The following GCNT1 variants were observed in gnomAD, a reference collection of about 807,000 sequenced individuals.
The protein encoded by GCNT1 is glucosaminyl (N-acetyl) transferase 1.
In GCNT1, 16 loss-of-function variants were observed where a neutral mutation model predicts 26.2. The observed-to-expected ratio is 0.61, with a 90% CI of 0.41 to 0.93. The LOEUF (loss-of-function observed/expected upper bound fraction) is 0.93, where lower values mean the gene tolerates loss of function less well. Among genes scored for constraint, GCNT1 ranks in the 40% least tolerant of loss-of-function variants. The probability of loss-of-function intolerance (pLI) is 0.00; values close to 1 mark genes in which losing one functional copy is unlikely to be tolerated. For missense variants in GCNT1, 477 were observed against 526.7 expected (o/e 0.91, Z 0.92); for synonymous variants, 183 against 190.8 (o/e 0.96, Z 0.34).
At chr9:76,490,350 A>G (rs1363249405) in intron 2 of GCNT1, among the ~76,000 whole-genome samples, 1 of 152,094 alleles carries the variant, frequency 6.6e-6, no homozygotes, top group African/African-American at 2.4e-5. Context: ...TTTCTTGCAA[A>G]CTGTATGAGA....
chr9:76,483,065 A>G (rs938311933), intron 2 of GCNT1, among the ~76,000 whole-genome samples: 1 of 152,204 alleles, frequency 6.6e-6, no homozygotes, highest in African/African-American at 2.4e-5. Flanking sequence ...TATTTGTATT[A>G]CAATGTAATA....
At chr9:76,498,007 G>A (rs1009209228) in intron 2 of GCNT1, among the ~76,000 whole-genome samples, 4 of 152,076 alleles carry the variant, frequency 2.6e-5, no homozygotes, top group African/African-American at 9.7e-5. Context: ...CATGTCCCCA[G>A]CCCCTGGCAG....
the GCNT1 span, among the ~76,000 whole-genome samples, chr9:76,404,939 C>T: frequency 2.0e-5 from 3 of 152,004 alleles, no homozygotes; most frequent in African/African-American, 7.3e-5. Context: ...CCTCAGCCTC[C>T]CAAGTAGCTG....
intron 1 of GCNT1, among the ~76,000 whole-genome samples, chr9:76,428,697 C>CTT (rs148228671): frequency 1.4e-4 from 16 of 113,662 alleles, no homozygotes; most frequent in Admixed American, 5.2e-4. Flanking sequence ...GTTGCGTATT[C>CTT]TATTTTTTTT....
upstream of GCNT1, among the ~76,000 whole-genome samples, chr9:76,455,343 A>G (rs1279694325): frequency 6.6e-6 from 1 of 152,182 alleles, no homozygotes; most frequent in Non-Finnish European, 1.5e-5. Flanking sequence ...ATTTGCCCAG[A>G]TTGATCAGTA....
At chr9:76,462,251 C>T (rs1823887557) in intron 2 of GCNT1, among the ~76,000 whole-genome samples, 1 of 152,000 alleles carries the variant, frequency 6.6e-6, no homozygotes, top group African/African-American at 2.4e-5. Context: ...TGTCTAACTC[C>T]CTGTCTTAAA....
Position 76,427,139 on chromosome 9 carries a change from C to T in GCNT1, n.38+7252C>T, listed in dbSNP as rs143284265. 2.6e-3 allele frequency among the ~76,000 whole-genome samples: 393 copies of T among 151,306 alleles called. 1 individual carries two copies. The highest frequency in any genetic ancestry group is 9.2e-3 in the African/African-American group (380 of 41,250). ...AAAGATCATCTGAGGACACAGGGAG[C>T]AGACAGCCATCTGCACGATAAGGAG... On this transcript the variant is annotated intron_variant and non_coding_transcript_variant, in intron 1 of 3. Transcript: ENST00000488136.
At chr9:76,448,163 T>C (rs1382981188) in intron 1 of GCNT1, among the ~76,000 whole-genome samples, 2 of 152,138 alleles carry the variant, frequency 1.3e-5, no homozygotes, top group African/African-American at 2.4e-5. Flanking sequence ...TATATATATA[T>C]ACACACAGCC....
chr9:76,483,474 G>A (rs1824478954), intron 2 of GCNT1, among the ~76,000 whole-genome samples: 2 of 151,934 alleles, frequency 1.3e-5, no homozygotes, highest in Non-Finnish European at 2.9e-5. Flanking sequence ...GAGTGCAGTG[G>A]TGCAATCATA....
upstream of GCNT1, among the ~76,000 whole-genome samples, chr9:76,437,567 A>G (rs1194409945): frequency 6.6e-6 from 1 of 152,198 alleles, no homozygotes; most frequent in African/African-American, 2.4e-5. Context: ...ACCCTTGGGG[A>G]TGCTCTGTCT....
At chr9:76,421,686 GTTGTTTTTTTTTTT>G (rs1410131905) in intron 1 of GCNT1, among the ~76,000 whole-genome samples, 3 of 84,376 alleles carry the variant, frequency 3.6e-5, no homozygotes, top group East Asian at 2.8e-4. Flanking sequence ...TTGTTTGTAG[GTTGTTTTTTTTTTT>G]TTTTTTTTTT....
At chr9:76,446,115 GA>G (rs553420891) in intron 1 of GCNT1, among the ~76,000 whole-genome samples, 30 of 152,208 alleles carry the variant, frequency 2.0e-4, no homozygotes, top group Non-Finnish European at 3.5e-4. Flanking sequence ...TGGAAGACAT[GA>G]AGAGTCATCA....
intron 2 of GCNT1, among the ~76,000 whole-genome samples, chr9:76,490,854 ATTAG>A (rs1366471109): frequency 1.3e-5 from 2 of 152,202 alleles, no homozygotes; most frequent in African/African-American, 4.8e-5. Context: ...TTGTATGATA[ATTAG>A]TTAAGATTTA....
chr9:76,444,866 A>G (rs1823550595), intron 1 of GCNT1, among the ~76,000 whole-genome samples: 1 of 152,186 alleles, frequency 6.6e-6, no homozygotes, highest in South Asian at 2.1e-4. Context: ...AGGGGGAATG[A>G]AGGTCAGTTT....
At chr9:76,438,197 G>A (rs953102946), upstream of GCNT1, among the ~76,000 whole-genome samples, 3 of 152,194 alleles carry the variant, frequency 2.0e-5, no homozygotes, top group African/African-American at 7.2e-5. Flanking sequence ...ATACATTTTA[G>A]GGAGACATAA....
chr9:76,434,107 A>C (rs1278361338), intron 1 of GCNT1, among the ~76,000 whole-genome samples: 1 of 152,210 alleles, frequency 6.6e-6, no homozygotes, highest in African/African-American at 2.4e-5. Context: ...GGGGGATTTC[A>C]ACAGCTTTTA....
intron 2 of GCNT1, among the ~76,000 whole-genome samples, chr9:76,476,988 G>A (rs1182997094): frequency 2.0e-5 from 3 of 151,916 alleles, no homozygotes; most frequent in Non-Finnish European, 4.4e-5. Flanking sequence ...CTTGGCTCAC[G>A]TTTGAAACCT....
upstream of GCNT1, among the ~76,000 whole-genome samples, chr9:76,454,878 T>G (rs1823732376): frequency 1.5e-5 from 2 of 134,294 alleles, no homozygotes; most frequent in African/African-American, 5.6e-5. Flanking sequence ...AGACAGAGTC[T>G]CACTCTGTCG....
chr9:76,486,193 G>A (rs1824570637), intron 2 of GCNT1, among the ~76,000 whole-genome samples: 1 of 152,164 alleles, frequency 6.6e-6, no homozygotes, highest in Non-Finnish European at 1.5e-5. Context: ...TACTTTCTAT[G>A]TAGCATTCTC....
Sources: gnomAD v4.1 joint callset for allele counts (sites outside exome capture counted in the v4.1 genomes callset) on GRCh38, gnomAD v4.1.1 for gene constraint, MANE v1.5 for transcripts, NCBI Gene and HGNC (gene_info 2026-07-23, HGNC 2026-07-21) for gene names.